NID1: variants seen among roughly 807,000 people sequenced by gnomAD.
The protein encoded by NID1 is nidogen 1.
A neutral mutation model predicts 130.6 loss-of-function variants in NID1; 76 were observed. The ratio of observed to expected loss-of-function variants is 0.58; its 90% CI spans 0.48 to 0.70. NID1 has a LOEUF of 0.70. NID1 is among the 30% of genes least tolerant of loss of function. The pLI is 0.00. For missense variants in NID1, 1,517 were observed against 1,664.8 expected, an observed-to-expected ratio of 0.91 and a Z score of 1.54; for synonymous variants, 665 against 675.1, an observed-to-expected ratio of 0.98 and a Z score of 0.23.
intron 3 of NID1, among the ~76,000 whole-genome samples, chr1:236,044,924 C>T (rs891103433): frequency 2.0e-5 from 3 of 152,236 alleles, no homozygotes; most frequent in South Asian, 2.1e-4. Flanking sequence ...TAAGGCCGGG[C>T]GCGGCACTTC....
chr1:236,016,857 G>C (rs1383445755), intron 10 of NID1, among the ~76,000 whole-genome samples: 36 of 152,202 alleles, frequency 2.4e-4, no homozygotes, highest in Admixed American at 2.4e-3. Flanking sequence ...GTTATTAAAA[G>C]CATAATGAAA....
rs11352607 is a variant in NID1, at chr1:236,001,106, ATT to A, written c.2528-7236_2528-7235del. Among the ~76,000 whole-genome samples, 231 of 135,036 alleles carry A rather than the reference ATT, an allele frequency of 1.7e-3. 1 individual carries two copies. The highest frequency in any genetic ancestry group is 2.4e-3 in the African/African-American group (86 of 36,296). 88.6% of individuals were successfully genotyped at this position (135,036 alleles called of 152,430 possible). ...GTCCCTGGTCTCTGCTGGCTTTGAGATTTTTTTTTTTTTTTTTTGGAGACAGA... is the reference window on the plus strand; with the variant it reads ...GTCCCTGGTCTCTGCTGGCTTTGAGATTTTTTTTTTTTTTTTGGAGACAGA... On this transcript the variant is annotated intron_variant, in intron 12 of 19. Transcript: ENST00000264187.
intron 1 of NID1, among the ~76,000 whole-genome samples, chr1:236,059,403 G>A (rs900362952): frequency 2.6e-5 from 4 of 152,198 alleles, no homozygotes; most frequent in African/African-American, 9.7e-5. Context: ...GCCCACAAGT[G>A]GACCTGGAGC....
At chr1:236,039,285 T>C (rs994349725) in intron 4 of NID1, among the ~76,000 whole-genome samples, 1 of 150,736 alleles carries the variant, frequency 6.6e-6, no homozygotes, top group Admixed American at 6.7e-5. Flanking sequence ...AAATTTGCCA[T>C]TTTAACAACC....
intron 4 of NID1, among the ~76,000 whole-genome samples, chr1:236,038,692 T>C (rs1659335758): frequency 7.9e-6 from 1 of 126,594 alleles, no homozygotes; most frequent in African/African-American, 3.0e-5. Context: ...GTTATATAGG[T>C]CATATATAAT....
At chr1:236,042,804 GC>G (rs5781857) in intron 3 of NID1, among the ~76,000 whole-genome samples, 71,194 of 151,902 alleles carry the variant, frequency 0.47, 17,006 homozygotes, top group East Asian at 0.68. Context: ...TCTTTTGTAG[GC>G]TAATGAGTTG....
At chr1:236,009,313 G>A (rs917544209) in intron 12 of NID1, among the ~76,000 whole-genome samples, 1 of 152,172 alleles carries the variant, frequency 6.6e-6, no homozygotes, top group Non-Finnish European at 1.5e-5. Flanking sequence ...GTGAGCCTTC[G>A]CCAGACACTC....
chr1:236,015,726 C>T (rs1394848304), intron 10 of NID1, among the ~76,000 whole-genome samples: 1 of 151,650 alleles, frequency 6.6e-6, no homozygotes, highest in Non-Finnish European at 1.5e-5. Flanking sequence ...CTGTGTCCTC[C>T]TTGACAGCTC....
intron 7 of NID1, among the ~76,000 whole-genome samples, chr1:236,028,591 T>C (rs1023140485): frequency 6.6e-6 from 1 of 152,132 alleles, no homozygotes; most frequent in African/African-American, 2.4e-5. Context: ...ACTGTGGCCT[T>C]GTAAAAGAAT....
intron 4 of NID1, among the ~76,000 whole-genome samples, chr1:236,040,626 GA>G (rs1226454193): frequency 8.9e-5 from 13 of 145,952 alleles, no homozygotes; most frequent in Admixed American, 8.2e-4. Context: ...AAACTAATGT[GA>G]AAAAAAAATA....
intron 1 of NID1, among the ~76,000 whole-genome samples, chr1:236,053,469 C>G (rs1224983333): frequency 6.6e-6 from 1 of 152,172 alleles, no homozygotes; most frequent in Non-Finnish European, 1.5e-5. Flanking sequence ...AACCCCACCA[C>G]CTCGTTAGTC....
rs749005746 is a variant in NID1 at position 236,042,172 on chromosome 1, A to G, written c.873T>C (p.Asp291=). Residue 291 remains aspartate, a synonymous_variant, in exon 4 of 20, where the codon GAT becomes GAC. Coordinates refer to ENST00000264187, the MANE Select transcript of NID1 (RefSeq NM_002508.3). ...TCGCCAGGTCATAATCTTCATCCTC[A>G]TCATCATACTCTGCCCCATCTTCAG... is the stretch of plus-strand genomic sequence containing the variant. The part of the protein sequence containing the change: ...LGTEDGAEYD[D]EDEDYDLATT... The G allele has an allele frequency of 2.5e-6, 4 of 1,613,790 alleles. No homozygotes were observed. Among genetic ancestry groups the G allele is most frequent in the Admixed American group, 1.7e-5 (1 of 59,986 alleles).
At chr1:235,987,833 C>A (rs1445992740) in intron 14 of NID1, among the ~76,000 whole-genome samples, 1 of 152,132 alleles carries the variant, frequency 6.6e-6, no homozygotes, top group Non-Finnish European at 1.5e-5. Flanking sequence ...ATACTTCCTC[C>A]TCAAGGGGTC....
At position 236,003,077 on chromosome 1, in the gene NID1, AGTGGTAGTTGTCACTC is replaced by A. The variant is rs879626510; in HGVS notation, c.2527+8828_2527+8843del. 3.6e-4 allele frequency among the ~76,000 whole-genome samples: 55 copies of A among 151,946 alleles called. 4 individuals carry two copies. Among genetic ancestry groups the A allele is most frequent in the Non-Finnish European group, 5.6e-4 (38 of 67,922 alleles). On this transcript the variant is annotated intron_variant, in intron 12 of 19. Transcript: ENST00000264187. The stretch of plus-strand genomic sequence containing the variant: ...CACTGGTTATCACTCCTAGTGAACG[AGTGGTAGTTGTCACTC>A]CTAGTGAACGACTGGTAGTTGTCAC...
intron 6 of NID1, 146 bp downstream of exon 6, chr1:236,032,255 A>T: frequency 1.1e-6 from 1 of 930,170 alleles, no homozygotes; most frequent in Non-Finnish European, 1.6e-6. Context: ...AGACAGAACT[A>T]CAGGATGCCC....
chr1:236,036,614 C>T (rs1659270525), intron 5 of NID1, among the ~76,000 whole-genome samples: 1 of 152,204 alleles, frequency 6.6e-6, no homozygotes, highest in Non-Finnish European at 1.5e-5. Context: ...AACTTAATCC[C>T]CAATGTGATA....
chr1:236,050,263 G>T (rs956110121), intron 1 of NID1, among the ~76,000 whole-genome samples: 1 of 152,124 alleles, frequency 6.6e-6, no homozygotes, highest in Non-Finnish European at 1.5e-5. Flanking sequence ...CTTATTAAAA[G>T]ATATCACTGG....
chr1:236,025,519 C>T (rs1658901247), intron 8 of NID1, among the ~76,000 whole-genome samples: 1 of 152,160 alleles, frequency 6.6e-6, no homozygotes, highest in South Asian at 2.1e-4. Flanking sequence ...GCCTCAGCCT[C>T]CCAAAGTGCT....
chr1:235,988,971 C>A (rs1377217821), intron 14 of NID1, among the ~76,000 whole-genome samples: 1 of 151,444 alleles, frequency 6.6e-6, no homozygotes, highest in Admixed American at 6.6e-5. Context: ...TGTTTATATT[C>A]TTAATACCAC....
Sources: gnomAD v4.1 joint callset for allele counts (sites outside exome capture counted in the v4.1 genomes callset) on GRCh38, gnomAD v4.1.1 for gene constraint, MANE v1.5 for transcripts, NCBI Gene and HGNC (gene_info 2026-07-23, HGNC 2026-07-21) for gene names.